The following VPS13C variants were observed in gnomAD, a reference collection of about 807,000 sequenced individuals.
VPS13C encodes the protein vacuolar protein sorting 13 homolog C.
In VPS13C, 358 loss-of-function variants were observed where a neutral mutation model predicts 456.8. The observed-to-expected ratio is 0.78, with a 90% CI of 0.72 to 0.86. VPS13C has a LOEUF of 0.86. Among genes scored for constraint, VPS13C ranks in the 40% least tolerant of loss-of-function variants. The probability of loss-of-function intolerance (pLI) is 0.00; values close to 1 mark genes in which losing one functional copy is unlikely to be tolerated. For synonymous variants in VPS13C, 1,578 were observed against 1,486.7 expected, an observed-to-expected ratio of 1.06 and a Z score of -1.41; for missense variants, 4,818 against 4,385.4, an observed-to-expected ratio of 1.10 and a Z score of -2.79.
intron 28 of VPS13C, among the ~76,000 whole-genome samples, chr15:61,968,786 A>G (rs577894439): frequency 6.6e-6 from 1 of 152,296 alleles, no homozygotes; most frequent in South Asian, 2.1e-4. Context: ...TTCTTGTGGT[A>G]TATGAATACT....
intron 24 of VPS13C, among the ~76,000 whole-genome samples, chr15:61,976,350 A>G (rs1567065220): frequency 1.3e-5 from 2 of 152,104 alleles, no homozygotes; most frequent in Non-Finnish European, 2.9e-5. Context: ...AATGAATCTT[A>G]AATTAATTAT....
At chr15:61,886,174 C>T (rs1340252441) in intron 67 of VPS13C, among the ~76,000 whole-genome samples, 1 of 152,120 alleles carries the variant, frequency 6.6e-6, no homozygotes, top group African/African-American at 2.4e-5. Context: ...GTAAGTCACT[C>T]AGAAACTTAC....
chr15:61,939,333 CAAACA>C (rs1346295004), intron 47 of VPS13C, among the ~76,000 whole-genome samples: 2 of 152,160 alleles, frequency 1.3e-5, no homozygotes, highest in African/African-American at 2.4e-5. Flanking sequence ...AATGCCCAAA[CAAACA>C]AAATTTAATA....
At chr15:61,998,883 C>T (rs1341928020) in intron 16 of VPS13C, among the ~76,000 whole-genome samples, 3 of 152,112 alleles carry the variant, frequency 2.0e-5, no homozygotes, top group Admixed American at 6.5e-5. Context: ...TTATGGTGAT[C>T]GACTTCTACT....
chr15:61,894,300 T>G (rs1164696705), intron 66 of VPS13C, among the ~76,000 whole-genome samples: 1 of 150,780 alleles, frequency 6.6e-6, no homozygotes, highest in Non-Finnish European at 1.5e-5. Flanking sequence ...AGAGCAAGAC[T>G]CCGTCTCAAA....
chr15:62,031,991 T>G (rs190029687), intron 5 of VPS13C, among the ~76,000 whole-genome samples: 5 of 151,990 alleles, frequency 3.3e-5, no homozygotes, highest in Admixed American at 3.3e-4. Flanking sequence ...ATAATTATGC[T>G]CCATTTTTTA....
At chr15:61,946,261 C>A in intron 44 of VPS13C, 46 bp downstream of exon 44, 2 of 1,440,044 alleles carry the variant, frequency 1.4e-6, no homozygotes, top group Non-Finnish European at 9.5e-7. Context: ...ATCTCAAATC[C>A]AAAAGGCAAA....
At chr15:62,040,459 T>C (rs1488414220) in intron 3 of VPS13C, among the ~76,000 whole-genome samples, 1 of 152,046 alleles carries the variant, frequency 6.6e-6, no homozygotes, top group Non-Finnish European at 1.5e-5. Flanking sequence ...AAATATCTCA[T>C]GTACCCCATA....
chr15:62,032,052 G>A (rs980885744), intron 5 of VPS13C, among the ~76,000 whole-genome samples: 9 of 151,670 alleles, frequency 5.9e-5, no homozygotes, highest in Non-Finnish European at 8.9e-5. Flanking sequence ...AACTTATTAT[G>A]TAATTGTAAA....
intron 66 of VPS13C, 26 bp downstream of exon 66, chr15:61,907,238 T>A: frequency 2.5e-6 from 4 of 1,613,052 alleles, no homozygotes; most frequent in Non-Finnish European, 2.5e-6. Context: ...GTAACTCATA[T>A]AGCACTCATT....
chr15:61,881,715 G>A, intron 70 of VPS13C, 32 bp downstream of exon 70: 2 of 1,602,942 alleles, frequency 1.2e-6, no homozygotes, highest in Non-Finnish European at 1.7e-6. Flanking sequence ...TATAAATAAG[G>A]TATATCTATG....
chr15:61,989,658 A>T (rs2046163616), intron 18 of VPS13C, among the ~76,000 whole-genome samples: 1 of 152,196 alleles, frequency 6.6e-6, no homozygotes, highest in Non-Finnish European at 1.5e-5. Flanking sequence ...ATACATAAAA[A>T]GTGCAAAACC....
chr15:62,047,439 A>G (rs1011730359), intron 1 of VPS13C, among the ~76,000 whole-genome samples: 2 of 152,000 alleles, frequency 1.3e-5, no homozygotes, highest in Non-Finnish European at 2.9e-5. Flanking sequence ...CCATCTCAAA[A>G]AAAAAAACAA....
At chr15:61,981,537 T>C in intron 21 of VPS13C, 59 bp from the exon 22 acceptor site, 2 of 1,478,374 alleles carry the variant, frequency 1.4e-6, no homozygotes, top group Non-Finnish European at 9.0e-7. Context: ...GTAATCATAT[T>C]ATTAACAACT....
At chr15:61,875,015 A>G in intron 76 of VPS13C, 64 bp from the exon 77 acceptor site, 1 of 1,392,628 alleles carries the variant, frequency 7.2e-7, no homozygotes, top group Non-Finnish European at 9.5e-7. Context: ...TTTTACTTTA[A>G]TAGTTCAGGG....
chr15:61,874,991 T>C, intron 76 of VPS13C, 40 bp from the exon 77 acceptor site: 1 of 1,494,122 alleles, frequency 6.7e-7, no homozygotes, highest in African/African-American at 1.4e-5. Flanking sequence ...TTATTTAAAA[T>C]TTAAGTTTCA....
In VPS13C at chr15:61,972,764, T is replaced by C; in HGVS notation, c.2618A>G (p.Glu873Gly). 6.2e-7 allele frequency: 1 copy of C among 1,605,756 alleles called. No individual in the cohort carries two copies. Among genetic ancestry groups the C allele is most frequent in the Non-Finnish European group, 8.5e-7 (1 of 1,176,170 alleles). Residue 873 changes from glutamate (E) to glycine (G), a missense_variant and splice_region_variant, in exon 27 of 85, where the codon GAG (glutamate) becomes GGG (glycine). Glu to Gly is a moderately conservative substitution (Grantham distance 98). This residue lies in a region of VPS13C where 4,552 missense variants were observed against 4,130.6 expected (regional missense o/e 1.10). Transcript: ENST00000644861. ...AGCATCAAAATACTCATCATCAGAC[T>C]CTAAAGGAAAAAGACATTTATTTGA... ...TSLLLDTVES[E>G]SDDEYFDAED...
rs866826419 is a variant in VPS13C at position 62,012,889 on chromosome 15, G to A, written c.825+150C>T. 6 of 490,710 alleles carry A rather than the reference G, an allele frequency of 1.2e-5. 1 individual carries two copies. Among genetic ancestry groups the A allele is most frequent in the Middle Eastern group, 1.0e-3 (2 of 1,964 alleles). 30.4% of individuals were successfully genotyped at this position (490,710 alleles called of 1,614,324 possible). A position where few individuals can be genotyped will look rare whatever the true frequency, so the allele number is the denominator to read the frequency against. ...AACTGCTTTTGTGAAGACACATAGT[G>A]GATTTGAAAGGATGTTTTTCATATT... On this transcript the variant is annotated intron_variant, in intron 11 of 84. Coordinates refer to ENST00000644861, the MANE Select transcript of VPS13C (RefSeq NM_020821.3).
At chr15:61,883,917 C>T (rs987107535) in intron 68 of VPS13C, among the ~76,000 whole-genome samples, 1 of 151,672 alleles carries the variant, frequency 6.6e-6, no homozygotes. Context: ...AATCCTGTTT[C>T]ACAGTATATT....
Sources: gnomAD v4.1 joint callset for allele counts (sites outside exome capture counted in the v4.1 genomes callset) on GRCh38, gnomAD v4.1.1 for gene constraint, gnomAD v4.1.1 regional missense constraint, MANE v1.5 for transcripts, NCBI Gene and HGNC (gene_info 2026-07-23, HGNC 2026-07-21) for gene names.